Variants in NSFL1C observed in about 807,000 individuals in gnomAD.
NSFL1C encodes NSFL1 cofactor.
A neutral mutation model predicts 43.1 loss-of-function variants in NSFL1C; 14 were observed. The ratio of observed to expected loss-of-function variants is 0.32; its 90% CI spans 0.21 to 0.51. The LOEUF is 0.51. Ranked by LOEUF, NSFL1C falls within the 20% of genes least tolerant of loss-of-function variation. The pLI is 0.98. For synonymous variants in NSFL1C, 171 were observed against 183.5 expected (o/e 0.93, Z 0.55); for missense variants, 406 against 472.5 (o/e 0.86, Z 1.30).
chr20:1,452,547 A>C lies in NSFL1C; in HGVS notation c.731T>G (p.Val244Gly). ...GGCTTTGAAGGCTCCTTTGGGCTTC[A>C]CAAAGTCCTCGTCCCGATGGTCCTC... ...DMEDHRDEDF[V>G]KPKGAFKAFT... The change falls in exon 7 of 9, where the codon GTG becomes GGG. Residue 244 changes from valine to glycine, a missense_variant. By Grantham distance (109) the Val-to-Gly change is moderately radical (BLOSUM62 -3). This residue lies in a region of NSFL1C where 196 missense variants were observed against 228.0 expected (regional missense o/e 0.86). Coordinates refer to ENST00000216879, the MANE Select transcript of NSFL1C (RefSeq NM_016143.5). The C allele has an allele frequency of 6.2e-7, 1 of 1,614,178 alleles. No homozygotes were observed. Among genetic ancestry groups the C allele is most frequent in the African/African-American group, 1.3e-5 (1 of 75,048 alleles).
Position 1,466,714 on chromosome 20 carries a change from C to T in NSFL1C, c.105+6G>A, listed in dbSNP as rs1197144510. 1.9e-6 allele frequency: 3 copies of T among 1,544,054 alleles called. No individual in the cohort carries two copies. Among genetic ancestry groups the T allele is most frequent in the Admixed American group, 1.9e-5 (1 of 52,338 alleles). ...CCACCCGACACAGCCCGCCGCGCGGCGCTACCTGCAAGTCCCAGCCGGCCG... is the reference window on the plus strand; with the variant it reads ...CCACCCGACACAGCCCGCCGCGCGGTGCTACCTGCAAGTCCCAGCCGGCCG... On this transcript the variant is annotated splice_donor_region_variant and intron_variant, in intron 1 of 8. Coordinates refer to ENST00000216879, the MANE Select transcript of NSFL1C (RefSeq NM_016143.5).
At chr20:1,457,087 T>C (rs994369837) in intron 3 of NSFL1C, 3 of 152,218 alleles carry the variant, frequency 2.0e-5, no homozygotes, top group African/African-American at 7.2e-5. Flanking sequence ...ATAATGGATA[T>C]TTTTATTATA....
chr20:1,454,961 A>T lies in NSFL1C; in HGVS notation c.444+6T>A. On this transcript the variant is annotated splice_donor_region_variant and intron_variant, in intron 4 of 8. Transcript: ENST00000216879. ...TGTGGGCACAGACAATGACCCTTATACTCACTCTCGGTTTACTGGTCTCTC... is the reference window on the plus strand; with the variant it reads ...TGTGGGCACAGACAATGACCCTTATTCTCACTCTCGGTTTACTGGTCTCTC... The T allele has an allele frequency of 1.2e-6, 2 of 1,612,682 alleles. No individual in the cohort carries two copies. The highest frequency in any genetic ancestry group is 1.7e-6 in the Non-Finnish European group (2 of 1,179,780).
chr20:1,457,204 A>G (rs1195809939), intron 3 of NSFL1C: 1 of 152,204 alleles, frequency 6.6e-6, no homozygotes, highest in African/African-American at 2.4e-5. Flanking sequence ...TTTTAAATTA[A>G]AAAGAAAAAG....
chr20:1,444,609 A>C (rs535583272), intron 8 of NSFL1C, among the ~76,000 whole-genome samples: 1 of 152,310 alleles, frequency 6.6e-6, no homozygotes, highest in South Asian at 2.1e-4. Flanking sequence ...TTTTTGCCCC[A>C]AACCCCTAAA....
At chr20:1,445,200 G>A (rs965208175) in intron 8 of NSFL1C, among the ~76,000 whole-genome samples, 1 of 152,112 alleles carries the variant, frequency 6.6e-6, no homozygotes, top group Admixed American at 6.5e-5. Flanking sequence ...CAGAATTCTC[G>A]ACAGCCAGAT....
intron 1 of NSFL1C, among the ~76,000 whole-genome samples, chr20:1,466,077 G>C (rs936129148): frequency 2.6e-5 from 4 of 152,170 alleles, no homozygotes; most frequent in African/African-American, 9.7e-5. Flanking sequence ...CATTGTTCCA[G>C]GCACTGGGAA....
intron 7 of NSFL1C, among the ~76,000 whole-genome samples, chr20:1,448,486 G>A (rs1300769283): frequency 2.6e-5 from 4 of 152,204 alleles, no homozygotes; most frequent in Non-Finnish European, 4.4e-5. Context: ...TTCCCAGCAC[G>A]TCCCATTGCA....
chr20:1,466,541 C>G (rs1271480088), intron 1 of NSFL1C, among the ~76,000 whole-genome samples, 179 bp downstream of exon 1: 1 of 152,336 alleles, frequency 6.6e-6, no homozygotes, highest in African/African-American at 2.4e-5. Context: ...GGCCCGCGTT[C>G]CCCCACTCCC....
rs2090265082 is a variant in NSFL1C, at chr20:1,454,959, A to C, written c.444+8T>G. On this transcript the variant is annotated splice_region_variant and intron_variant, in intron 4 of 8. Coordinates refer to ENST00000216879, the MANE Select transcript of NSFL1C (RefSeq NM_016143.5). ...CCTGTGGGCACAGACAATGACCCTTATACTCACTCTCGGTTTACTGGTCTC... is the reference window on the plus strand; with the variant it reads ...CCTGTGGGCACAGACAATGACCCTTCTACTCACTCTCGGTTTACTGGTCTC... 6.2e-7 allele frequency: 1 copy of C among 1,612,592 alleles called. No individual in the cohort carries two copies. Among genetic ancestry groups the C allele is most frequent in the Admixed American group, 1.7e-5 (1 of 60,000 alleles).
intron 5 of NSFL1C, among the ~76,000 whole-genome samples, chr20:1,453,472 G>A (rs544223041): frequency 1.3e-5 from 2 of 152,224 alleles, no homozygotes; most frequent in Admixed American, 6.5e-5. Context: ...GTGAGTGTCC[G>A]ACTAAACTAC....
intron 3 of NSFL1C, chr20:1,455,818 G>A (rs772986090): frequency 1.0e-5 from 8 of 766,654 alleles, no homozygotes; most frequent in Non-Finnish European, 1.9e-5. Context: ...AGCACCAGGA[G>A]CTCCCCCAAG....
In NSFL1C at chr20:1,455,117, G is replaced by A; in HGVS notation, c.294C>T (p.Gly98=). 6.2e-7 allele frequency: 1 copy of A among 1,614,128 alleles called. No individual in the cohort carries two copies. The highest frequency in any genetic ancestry group is 8.5e-7 in the Non-Finnish European group (1 of 1,180,010). The change falls in exon 4 of 9, where the codon GGC becomes GGT. Residue 98 remains glycine (G), a synonymous_variant. Coordinates refer to ENST00000216879, the MANE Select transcript of NSFL1C (RefSeq NM_016143.5). The stretch of plus-strand genomic sequence containing the variant: ...CAATCTGCTGTCCACTTCTCTCTGA[G>A]CCCCCAGCATAAAACCTGTGTACAA... The part of the protein sequence containing the change: ...EEEGQRFYAG[G]SERSGQQIVG...
chr20:1,457,396 A>G (rs1034102280), intron 3 of NSFL1C, among the ~76,000 whole-genome samples: 5 of 152,236 alleles, frequency 3.3e-5, no homozygotes, highest in Non-Finnish European at 7.3e-5. Context: ...AAATCAAGCT[A>G]GTTAGCATAT....
At chr20:1,447,453 T>C (rs1372893599) in intron 7 of NSFL1C, among the ~76,000 whole-genome samples, 3 of 151,946 alleles carry the variant, frequency 2.0e-5, no homozygotes, top group Non-Finnish European at 4.4e-5. Flanking sequence ...TTTTTGTTGT[T>C]GTTAGCTCAT....
Position 1,466,820 on chromosome 20 carries a change from G to T in NSFL1C, c.5C>A (p.Ala2Glu). 1 of 1,538,512 alleles carries T rather than the reference G, an allele frequency of 6.5e-7. No individual in the cohort carries two copies. Among genetic ancestry groups the T allele is most frequent in the Non-Finnish European group, 8.7e-7 (1 of 1,144,788 alleles). M[A>E]AERQEALREF... ...CCTCAGCGCCTCCTGTCGCTCCGCC[G>T]CCATCTTCGCCCCGTGCGCCTTCCA... The change falls in exon 1 of 9, where the codon GCG becomes GAG. Residue 2 changes from alanine to glutamate, a missense_variant. Around this residue, in one of 3 missense-constraint regions of NSFL1C, gnomAD observed 203 missense variants for 216.3 expected, o/e 0.94. Transcript: ENST00000216879.
At chr20:1,450,023 A>C (rs2090152471) in intron 7 of NSFL1C, among the ~76,000 whole-genome samples, 2 of 152,224 alleles carry the variant, frequency 1.3e-5, no homozygotes, top group Admixed American at 6.5e-5. Flanking sequence ...TTTGCCTTTT[A>C]CTAAAACAAC....
intron 2 of NSFL1C, 79 bp downstream of exon 2, chr20:1,464,250 C>T (rs2090466372): frequency 1.6e-6 from 2 of 1,248,610 alleles, no homozygotes; most frequent in African/African-American, 1.5e-5. Flanking sequence ...CACACCCAGG[C>T]CTGAACGCTC....
Position 1,456,188 on chromosome 20 carries a change from G to C in NSFL1C, c.279-1056C>G, listed in dbSNP as rs544074518. 4.1e-4 allele frequency: 69 copies of C among 170,138 alleles called. 3 individuals carry two copies. The South Asian group carries it at 9.3e-3, about 23-fold the overall frequency. The allele number at this position is 170,138 out of a possible 1,614,324, so 10.5% of individuals were successfully genotyped here. On this transcript the variant is annotated intron_variant, in intron 3 of 8. Coordinates refer to ENST00000216879, the MANE Select transcript of NSFL1C (RefSeq NM_016143.5). ...GGCCCCGACAAGGACAACAGTACCA[G>C]TGTCCTTTCAGGTCTGAAATGCTGA...
Sources: allele counts gnomAD v4.1 joint callset (sites outside exome capture counted in the v4.1 genomes callset), GRCh38; gene constraint gnomAD v4.1.1; regional missense constraint gnomAD v4.1.1; transcripts MANE v1.5; gene names NCBI Gene and HGNC (gene_info 2026-07-23, HGNC 2026-07-21).